KIRREL3: variants seen among roughly 807,000 people sequenced by gnomAD.
KIRREL3 encodes the protein kin of IRRE-like protein 3.
Under a neutral mutation model 89.7 loss-of-function variants are expected in KIRREL3, and 36 were observed. That is an observed-to-expected ratio of 0.40 (90% CI 0.31 to 0.53). The LOEUF is 0.53. Ranked by LOEUF, KIRREL3 falls within the 20% of genes least tolerant of loss-of-function variation. The pLI is 0.49. For synonymous variants in KIRREL3, 445 were observed against 441.4 expected, an observed-to-expected ratio of 1.01 and a Z score of -0.10; for missense variants, 864 against 1,056.6, an observed-to-expected ratio of 0.82 and a Z score of 2.53.
intron 11 of KIRREL3, among the ~76,000 whole-genome samples, chr11:126,437,450 TACAC>T (rs913798423): frequency 6.6e-6 from 1 of 152,062 alleles, no homozygotes; most frequent in South Asian, 2.1e-4. Flanking sequence ...CACAGGTTTG[TACAC>T]ACACACCACA....
chr11:126,737,120 G>A (rs1180464063), intron 1 of KIRREL3, among the ~76,000 whole-genome samples: 5 of 152,296 alleles, frequency 3.3e-5, no homozygotes, highest in African/African-American at 1.2e-4. Flanking sequence ...TGCTGAGTGG[G>A]GATGTGCTTG....
At position 126,993,997 on chromosome 11, in the gene KIRREL3, T is replaced by C. The variant is rs924261305; in HGVS notation, c.55+6458A>G. On this transcript the variant is annotated intron_variant, in intron 1 of 16. Transcript: ENST00000525144. The surrounding 1 kb of genome is among the most constrained non-coding windows in gnomAD (Gnocchi z 6.1). ...GATAATTCAGCATGATGCGCACACA[T>C]CCTTTCTTATACTGACATACATAGG... Among the ~76,000 whole-genome samples the C allele has an allele frequency of 6.6e-6, 1 of 152,038 alleles. No individual in the cohort carries two copies. Among genetic ancestry groups the C allele is most frequent in the African/African-American group, 2.4e-5 (1 of 41,374 alleles).
At chr11:126,836,480 C>CTTAAG (rs111297977) in intron 1 of KIRREL3, among the ~76,000 whole-genome samples, 130,937 of 151,730 alleles carry the variant, frequency 0.86, 56,844 homozygotes, top group East Asian at 1. Flanking sequence ...AGTGCCTGAA[C>CTTAAG]TTAAACTAAA....
At chr11:126,554,867 A>G (rs1939581775) in intron 2 of KIRREL3, among the ~76,000 whole-genome samples, 1 of 152,126 alleles carries the variant, frequency 6.6e-6, no homozygotes, top group Non-Finnish European at 1.5e-5. Context: ...GAGTAACACA[A>G]GCGGCTGAGC....
rs574041333 is a variant in KIRREL3 at position 126,783,389 on chromosome 11, C to A, written c.55+217066G>T. On this transcript the variant is annotated intron_variant, in intron 1 of 16. Coordinates refer to ENST00000525144, the MANE Select transcript of KIRREL3 (RefSeq NM_032531.4). This position sits in a 1 kb window ranked among gnomAD's most constrained non-coding sequence, Gnocchi z 4.3. ...TATGACTTCATCCTAACTAGTGACA[C>A]CTGCAATATCCCTGCTTCAAAATAA... Among the ~76,000 whole-genome samples the A allele has an allele frequency of 1.1e-3, 164 of 152,254 alleles. No individual in the cohort carries two copies. Among genetic ancestry groups the A allele is most frequent in the Middle Eastern group, 6.8e-3 (2 of 294 alleles).
At chr11:126,461,232 C>T (rs1591578403) in intron 6 of KIRREL3, among the ~76,000 whole-genome samples, 1 of 152,248 alleles carries the variant, frequency 6.6e-6, no homozygotes, top group Non-Finnish European at 1.5e-5. Flanking sequence ...GGCATCTCAC[C>T]TTTTCCAGTG....
In KIRREL3 at chr11:126,431,512, C is replaced by T. The variant is rs1591521052; in HGVS notation, c.1603G>A (p.Ala535Thr). Residue 535 changes from alanine (A) to threonine (T), a missense_variant, in exon 14 of 17, where the codon GCC becomes ACC. By Grantham distance (58) the Ala-to-Thr change is moderately conservative. Coordinates refer to ENST00000525144, the MANE Select transcript of KIRREL3 (RefSeq NM_032531.4). This position sits in a 1 kb window ranked among gnomAD's most constrained non-coding sequence, Gnocchi z 7.1. ...AGLEAESVPMAVIIGVAVGAG... is the reference protein window; with the variant it reads ...AGLEAESVPMTVIIGVAVGAG... The stretch of plus-strand genomic sequence containing the variant: ...CCTACGGCCACCCCAATGATGACGG[C>T]CATCGGCACAGACTCTGTGGGAGAG... 8 of 1,613,834 alleles carry T rather than the reference C, an allele frequency of 5.0e-6. No individual in the cohort carries two copies. The highest frequency in any genetic ancestry group is 6.8e-6 in the Non-Finnish European group (8 of 1,179,878).
chr11:126,730,823 C>G (rs1948588076), intron 1 of KIRREL3, among the ~76,000 whole-genome samples: 1 of 152,154 alleles, frequency 6.6e-6, no homozygotes. Context: ...ACTGCAACCT[C>G]CGCCTCCCAG....
Position 126,455,568 on chromosome 11 carries a change from C to T in KIRREL3, c.848+781G>A, listed in dbSNP as rs1190525888. On this transcript the variant is annotated intron_variant, in intron 7 of 16. Coordinates refer to ENST00000525144, the MANE Select transcript of KIRREL3 (RefSeq NM_032531.4). The surrounding 1 kb of genome is among the most constrained non-coding windows in gnomAD (Gnocchi z 6.4). ...CTTTGGGAGGCTGAGGCAGGTGGAT[C>T]ACGAGGTCAGGAGATCGAGACCATC... Among the ~76,000 whole-genome samples the T allele has an allele frequency of 6.6e-6, 1 of 151,376 alleles. No homozygotes were observed. Among genetic ancestry groups the T allele is most frequent in the Non-Finnish European group, 1.5e-5 (1 of 67,914 alleles).
intron 1 of KIRREL3, among the ~76,000 whole-genome samples, chr11:126,866,894 C>T (rs907700973): frequency 6.6e-6 from 1 of 152,214 alleles, no homozygotes; most frequent in Non-Finnish European, 1.5e-5. Context: ...CGAGAACTAC[C>T]TCCACTCAAT....
chr11:126,896,630 G>A lies in KIRREL3; in HGVS notation c.55+103825C>T, dbSNP rs932430499. Among the ~76,000 whole-genome samples the A allele has an allele frequency of 5.3e-5, 8 of 152,174 alleles. No individual in the cohort carries two copies. The highest frequency in any genetic ancestry group is 1.3e-4 in the Admixed American group (2 of 15,282). Reference sequence around the variant, plus strand: ...GTCCATGGGCTTCAGTGCCCACCATGCAGTGCATGGGAGACCGAGGGAATG... The same window carrying A: ...GTCCATGGGCTTCAGTGCCCACCATACAGTGCATGGGAGACCGAGGGAATG... On this transcript the variant is annotated intron_variant, in intron 1 of 16. Transcript: ENST00000525144. The surrounding 1 kb of genome is among the most constrained non-coding windows in gnomAD (Gnocchi z 4.1).
At chr11:126,749,717 G>C (rs1214930507) in intron 1 of KIRREL3, among the ~76,000 whole-genome samples, 2 of 152,110 alleles carry the variant, frequency 1.3e-5, no homozygotes, top group African/African-American at 4.8e-5. Flanking sequence ...CAGGGGAAAG[G>C]AGACAAATAT....
chr11:126,880,767 C>T lies in KIRREL3; in HGVS notation c.55+119688G>A, dbSNP rs549204884. Among the ~76,000 whole-genome samples the T allele has an allele frequency of 2.6e-4, 39 of 151,872 alleles. No individual in the cohort carries two copies. In the East Asian group the frequency reaches 7.0e-3, roughly 27 times the overall value. On this transcript the variant is annotated intron_variant, in intron 1 of 16. Coordinates refer to ENST00000525144, the MANE Select transcript of KIRREL3 (RefSeq NM_032531.4). The stretch of plus-strand genomic sequence containing the variant: ...ATTTATGGAAAGCTAAATTATATTG[C>T]CAAGTTTATTTTAGACCAAAGAAGC...
chr11:126,546,526 G>A (rs1271654980), intron 2 of KIRREL3, among the ~76,000 whole-genome samples: 1 of 152,196 alleles, frequency 6.6e-6, no homozygotes, highest in Non-Finnish European at 1.5e-5. Flanking sequence ...AAGCAAGCGG[G>A]CCGCTTTCTG....
chr11:126,707,890 C>A (rs1947599220), intron 1 of KIRREL3, among the ~76,000 whole-genome samples: 1 of 151,974 alleles, frequency 6.6e-6, no homozygotes, highest in Non-Finnish European at 1.5e-5. Flanking sequence ...AAACTTCACC[C>A]TTCTTGCCTC....
chr11:126,907,733 G>A (rs907619124), intron 1 of KIRREL3, among the ~76,000 whole-genome samples: 5 of 152,066 alleles, frequency 3.3e-5, no homozygotes, highest in South Asian at 2.1e-4. Flanking sequence ...CTGAAGTGAC[G>A]AGATGGACAC....
In KIRREL3 at chr11:126,684,318, A is replaced by T. The variant is rs887817050; in HGVS notation, c.56-121406T>A. Among the ~76,000 whole-genome samples, 1 of 152,246 alleles carries T rather than the reference A, an allele frequency of 6.6e-6. No homozygotes were observed. ...GTTAGACTAGATTGGGGCTTTCAAC[A>T]TTGCTGATATTTTGAACAGCAGAAT... On this transcript the variant is annotated intron_variant, in intron 1 of 16. Transcript: ENST00000525144. This position sits in a 1 kb window ranked among gnomAD's most constrained non-coding sequence, Gnocchi z 4.2.
chr11:126,951,042 T>C (rs1042843622), intron 1 of KIRREL3, among the ~76,000 whole-genome samples: 1 of 152,166 alleles, frequency 6.6e-6, no homozygotes, highest in Non-Finnish European at 1.5e-5. Flanking sequence ...GTTCCCAAGT[T>C]CTTAACCCAA....
Position 126,719,072 on chromosome 11 carries a change from C to T in KIRREL3, c.56-156160G>A, listed in dbSNP as rs181905853. The stretch of plus-strand genomic sequence containing the variant: ...TGTTTGTTTTCCTCCTGCTATACCT[C>T]CTTTGCTGTGTTCTCTTTTACAGAA... On this transcript the variant is annotated intron_variant, in intron 1 of 16. Coordinates refer to ENST00000525144, the MANE Select transcript of KIRREL3 (RefSeq NM_032531.4). This position sits in a 1 kb window ranked among gnomAD's most constrained non-coding sequence, Gnocchi z 4.7. Among the ~76,000 whole-genome samples the T allele has an allele frequency of 2.0e-5, 3 of 152,346 alleles. No individual in the cohort carries two copies. In the East Asian group the frequency reaches 5.8e-4, roughly 29 times the overall value.
Sources: gnomAD v4.1 joint callset for allele counts (sites outside exome capture counted in the v4.1 genomes callset) on GRCh38, gnomAD v4.1.1 for gene constraint, Gnocchi (gnomAD v3.1) non-coding constraint, MANE v1.5 for transcripts, NCBI Gene and HGNC (gene_info 2026-07-23, HGNC 2026-07-21) for gene names.